TMEM266: variants seen among roughly 807,000 people sequenced by gnomAD.
The protein encoded by TMEM266 is Hv1 related protein 1.
In TMEM266, 33 loss-of-function variants were observed where a neutral mutation model predicts 50.5. That is an observed-to-expected ratio of 0.65 (90% CI 0.50 to 0.87). The LOEUF is 0.87. Among genes scored for constraint, TMEM266 ranks in the 40% least tolerant of loss-of-function variants. The pLI, the probability that TMEM266 is intolerant of heterozygous loss-of-function variation, is 0.00. For synonymous variants in TMEM266, 310 were observed against 292.3 expected, an observed-to-expected ratio of 1.06 and a Z score of -0.62; for missense variants, 655 against 695.1, an observed-to-expected ratio of 0.94 and a Z score of 0.65.
chr15:76,130,254 A>AAAAC (rs2037487870), intron 1 of TMEM266, among the ~76,000 whole-genome samples: 1 of 34,940 alleles, frequency 2.9e-5, no homozygotes. Context: ...AAAAAAAAAA[A>AAAAC]CCGCCGGGTG....
intron 1 of TMEM266, among the ~76,000 whole-genome samples, chr15:76,110,735 A>G (rs548396076): frequency 1.7e-3 from 266 of 152,216 alleles, no homozygotes; most frequent in Non-Finnish European, 2.9e-3. Flanking sequence ...TGCAAAACAC[A>G]CTTCTGATAA....
chr15:76,157,238 G>A (rs1386122176), intron 4 of TMEM266, among the ~76,000 whole-genome samples: 2 of 152,108 alleles, frequency 1.3e-5, no homozygotes. Flanking sequence ...TGATTTATAC[G>A]TATCGTGATA....
chr15:76,130,295 T>C (rs796439126), intron 1 of TMEM266, among the ~76,000 whole-genome samples: 3 of 134,746 alleles, frequency 2.2e-5, no homozygotes, highest in African/African-American at 8.2e-5. Flanking sequence ...TCCAGCACTT[T>C]GGGAGGCCGA....
At chr15:76,143,936 A>G (rs1036148337) in intron 3 of TMEM266, among the ~76,000 whole-genome samples, 9 of 152,170 alleles carry the variant, frequency 5.9e-5, no homozygotes, top group Non-Finnish European at 1.2e-4. Flanking sequence ...ACATACTCAC[A>G]GGGATCCCAA....
chr15:76,158,686 A>G (rs747707383), intron 4 of TMEM266, among the ~76,000 whole-genome samples: 2 of 152,246 alleles, frequency 1.3e-5, no homozygotes, highest in Non-Finnish European at 2.9e-5. Context: ...ACAGGAATTC[A>G]TTTGAGAAAT....
Position 76,154,105 on chromosome 15 carries a change from G to A in TMEM266, c.228-2499G>A, listed in dbSNP as rs114420762. 2.5e-3 allele frequency among the ~76,000 whole-genome samples: 386 copies of A among 152,252 alleles called. 3 individuals carry two copies. Among genetic ancestry groups the A allele is most frequent in the African/African-American group, 8.8e-3 (364 of 41,546 alleles). On this transcript the variant is annotated intron_variant, in intron 3 of 10. Coordinates refer to ENST00000388942, the MANE Select transcript of TMEM266 (RefSeq NM_152335.3). ...CAGCCGCCCTCACCAGGCCCTCTCC[G>A]GACCCCTTGGCTCTTGAGTTTAGGG... is the stretch of plus-strand genomic sequence containing the variant.
At chr15:76,166,043 G>A (rs1430527514) in intron 5 of TMEM266, among the ~76,000 whole-genome samples, 1 of 152,178 alleles carries the variant, frequency 6.6e-6, no homozygotes, top group Non-Finnish European at 1.5e-5. Context: ...TAAACCCCCC[G>A]ATGCTGCTTA....
At chr15:76,062,674 G>A (rs537809251) in intron 1 of TMEM266, among the ~76,000 whole-genome samples, 8 of 152,176 alleles carry the variant, frequency 5.3e-5, no homozygotes, top group Non-Finnish European at 1.0e-4. Context: ...TTTGAGAAAC[G>A]GACTAGTCTG....
chr15:76,131,546 CTT>C (rs1183388789), intron 1 of TMEM266, among the ~76,000 whole-genome samples: 1 of 152,104 alleles, frequency 6.6e-6, no homozygotes, highest in African/African-American at 2.4e-5. Context: ...ACTTTATTAA[CTT>C]GAGGTTTTAT....
At chr15:76,181,697 GTCTC>G (rs758905158) in intron 8 of TMEM266, among the ~76,000 whole-genome samples, 3 of 152,088 alleles carry the variant, frequency 2.0e-5, no homozygotes, top group African/African-American at 4.8e-5. Flanking sequence ...TGGATGCCTT[GTCTC>G]TCTCTCTGTC....
At chr15:76,170,257 G>T (rs916435078) in intron 6 of TMEM266, among the ~76,000 whole-genome samples, 1 of 152,212 alleles carries the variant, frequency 6.6e-6, no homozygotes, top group African/African-American at 2.4e-5. Flanking sequence ...CGCCACACGG[G>T]TGGGTGTGGT....
intron 9 of TMEM266, among the ~76,000 whole-genome samples, chr15:76,199,894 G>A (rs189987767): frequency 7.2e-5 from 11 of 152,290 alleles, no homozygotes; most frequent in African/African-American, 2.6e-4. Flanking sequence ...GGAGGGATGT[G>A]AGGGGCTTTT....
chr15:76,090,821 T>C (rs1250027233), intron 1 of TMEM266, among the ~76,000 whole-genome samples: 2 of 152,116 alleles, frequency 1.3e-5, no homozygotes, highest in African/African-American at 4.8e-5. Flanking sequence ...TACAGCTAGA[T>C]GGATGGAATA....
In TMEM266 at chr15:76,204,074, G is replaced by A. The variant is rs2038797057; in HGVS notation, c.1355G>A (p.Cys452Tyr). The change falls in exon 11 of 11, where the codon TGC becomes TAC. Residue 452 changes from cysteine to tyrosine, a missense_variant. By Grantham distance (194) the Cys-to-Tyr change is radical. Coordinates refer to ENST00000388942, the MANE Select transcript of TMEM266 (RefSeq NM_152335.3). ...CTGTCCTCCCTGTCGGAGGACCCCT[G>A]CCCTTCCCAGAAGGCCTTGGACCCA... is the stretch of plus-strand genomic sequence containing the variant. 6.2e-7 allele frequency: 1 copy of A among 1,612,594 alleles called. No individual in the cohort carries two copies. The highest frequency in any genetic ancestry group is 1.3e-5 in the African/African-American group (1 of 74,992).
rs1596152368 is a variant in TMEM266 at position 76,174,308 on chromosome 15, T to C, written c.653-1251T>C. On this transcript the variant is annotated intron_variant, in intron 7 of 10. Coordinates refer to ENST00000388942, the MANE Select transcript of TMEM266 (RefSeq NM_152335.3). The stretch of plus-strand genomic sequence containing the variant: ...GCTCATGCCTGTAATTCCAGCACTT[T>C]GGGAGGCTGAGGCGGGTGGATCACT... 2.0e-5 allele frequency among the ~76,000 whole-genome samples: 3 copies of C among 152,068 alleles called. No homozygotes were observed. In the South Asian group the frequency reaches 6.2e-4, roughly 32 times the overall value.
intron 1 of TMEM266, among the ~76,000 whole-genome samples, chr15:76,060,862 A>G (rs1480104574): frequency 6.6e-6 from 1 of 152,194 alleles, no homozygotes; most frequent in Non-Finnish European, 1.5e-5. Flanking sequence ...CAATAGGCCC[A>G]TATGGGTTCC....
intron 10 of TMEM266, among the ~76,000 whole-genome samples, chr15:76,202,949 TCTCTC>T (rs2038772600): frequency 6.6e-6 from 1 of 151,974 alleles, no homozygotes; most frequent in African/African-American, 2.4e-5. Flanking sequence ...TCATCCCTCT[TCTCTC>T]CTCCCTCAAA....
intron 1 of TMEM266, among the ~76,000 whole-genome samples, chr15:76,106,572 T>C (rs1184188623): frequency 1.3e-5 from 2 of 152,108 alleles, no homozygotes; most frequent in African/African-American, 4.8e-5. Context: ...CCCAAGTAGC[T>C]GGGACTCCAG....
At chr15:76,138,569 C>T in intron 3 of TMEM266, among the ~76,000 whole-genome samples, 1 of 152,224 alleles carries the variant, frequency 6.6e-6, no homozygotes, top group East Asian at 1.9e-4. Context: ...TTGAGCTGCA[C>T]TTTCCCTTTA....
Sources: allele counts gnomAD v4.1 joint callset (sites outside exome capture counted in the v4.1 genomes callset), GRCh38; gene constraint gnomAD v4.1.1; transcripts MANE v1.5; gene names NCBI Gene and HGNC (gene_info 2026-07-23, HGNC 2026-07-21).